The following MAPK6 variants were observed in gnomAD, a reference collection of about 807,000 sequenced individuals.
MAPK6 encodes the protein mitogen-activated protein kinase 6.
In MAPK6, 19 loss-of-function variants were observed where a neutral mutation model predicts 59.3. That is an observed-to-expected ratio of 0.32 (90% CI 0.22 to 0.47). The LOEUF (loss-of-function observed/expected upper bound fraction) is 0.47. Ranked by LOEUF, MAPK6 falls within the 20% of genes least tolerant of loss-of-function variation. MAPK6 has a pLI of 1.00. For synonymous variants in MAPK6, 316 were observed against 290.3 expected (o/e 1.09, Z -0.90); for missense variants, 724 against 847.9 (o/e 0.85, Z 1.81).
rs139563932 is a variant in MAPK6, at chr15:52,064,500, T to A, written c.1666T>A (p.Ser556Thr). Reference sequence around the variant, plus strand: ...TGATAAATTAAATGACTTGAATAGCTCAGTGTCCCAACTAGAATTGAAAAG... The same window carrying A: ...TGATAAATTAAATGACTTGAATAGCACAGTGTCCCAACTAGAATTGAAAAG... ...VVDKLNDLNS[S>T]VSQLELKSLI... Residue 556 changes from serine to threonine, a missense_variant, in exon 6 of 6, where the codon TCA becomes ACA. Transcript: ENST00000261845. 169 of 1,609,358 alleles carry A rather than the reference T, an allele frequency of 1.1e-4. No homozygotes were observed. The African/African-American group carries it at 2.2e-3, about 21-fold the overall frequency.
At chr15:52,017,850 G>A (rs1296413418), upstream of MAPK6, 2 of 152,238 alleles carry the variant, frequency 1.3e-5, no homozygotes, top group Admixed American at 1.3e-4. Context: ...GAGGCAGTGG[G>A]GCTGAAGGTA....
chr15:52,060,863 A>T (rs2032173242), intron 4 of MAPK6, among the ~76,000 whole-genome samples: 1 of 152,166 alleles, frequency 6.6e-6, no homozygotes, highest in African/African-American at 2.4e-5. Context: ...ATTACATCTC[A>T]TTTTTGTACC....
intron 3 of MAPK6, among the ~76,000 whole-genome samples, chr15:52,054,157 C>G (rs982441456): frequency 6.6e-6 from 1 of 151,628 alleles, no homozygotes; most frequent in Non-Finnish European, 1.5e-5. Flanking sequence ...CACCTGAGAT[C>G]AGGAGTTTGA....
chr15:52,061,626 C>G lies in MAPK6; in HGVS notation c.1067+126C>G, dbSNP rs954543100. On this transcript the variant is annotated intron_variant, in intron 5 of 5. Transcript: ENST00000261845. ...TTAAAAATTTAGTAATGTAAAGATA[C>G]AAAAATTAGTCAGGTGTGGTGGCAG... The G allele has an allele frequency of 1.5e-5, 11 of 757,206 alleles. No homozygotes were observed. In the African/African-American group the frequency reaches 1.8e-4, roughly 12 times the overall value. 46.9% of individuals were successfully genotyped at this position (757,206 alleles called of 1,614,324 possible).
chr15:52,016,668 T>G (rs1157787736), upstream of MAPK6, among the ~76,000 whole-genome samples: 1 of 152,066 alleles, frequency 6.6e-6, no homozygotes, highest in Non-Finnish European at 1.5e-5. Flanking sequence ...ACTCTCCCCC[T>G]CCTCTGCCCA....
chr15:52,034,210 C>A (rs2031152687), intron 1 of MAPK6, among the ~76,000 whole-genome samples: 1 of 152,196 alleles, frequency 6.6e-6, no homozygotes. Flanking sequence ...GTTTCAAACT[C>A]CTCACCTCAG....
At chr15:52,062,913 A>C (rs114743051) in intron 5 of MAPK6, among the ~76,000 whole-genome samples, 1 of 151,934 alleles carries the variant, frequency 6.6e-6, no homozygotes, top group South Asian at 2.1e-4. Context: ...ATGTATGGCC[A>C]AGTTTGGGAA....
intron 5 of MAPK6, among the ~76,000 whole-genome samples, chr15:52,062,891 C>CA (rs2032259021): frequency 6.6e-6 from 1 of 152,162 alleles, no homozygotes; most frequent in African/African-American, 2.4e-5. Context: ...ATAGAGTCAT[C>CA]AGGTGATTTT....
chr15:52,058,559 ATTAGT>A (rs1202118722), intron 3 of MAPK6, 69 bp from the exon 4 acceptor site: 31 of 1,254,126 alleles, frequency 2.5e-5, no homozygotes, highest in Admixed American at 1.7e-4. Context: ...TAATATTTAA[ATTAGT>A]TTAGTATGTT....
In MAPK6 at chr15:52,035,978, C is replaced by G. The variant is rs535177079; in HGVS notation, c.-631-9852C>G. 5.3e-5 allele frequency among the ~76,000 whole-genome samples: 8 copies of G among 152,028 alleles called. No homozygotes were observed. The East Asian group carries it at 1.4e-3, about 26-fold the overall frequency. On this transcript the variant is annotated intron_variant, in intron 1 of 5. Coordinates refer to ENST00000261845, the MANE Select transcript of MAPK6 (RefSeq NM_002748.4). ...GCTTGTTGCAGTTTATAGAGTGAGG[C>G]TTGGTATCTTGCAACTTTGAGCATT...
At chr15:52,035,417 G>C (rs941316474) in intron 1 of MAPK6, 1 of 152,326 alleles carries the variant, frequency 6.6e-6, no homozygotes, top group African/African-American at 2.4e-5. Context: ...GGTGGATCTC[G>C]TGAGGTCAGG....
At position 52,019,256 on chromosome 15, in the gene MAPK6, G is replaced by C. The variant is rs1480701269; in HGVS notation, c.-752G>C. The stretch of plus-strand genomic sequence containing the variant: ...CTCTCGCGGGTCGGGGTTACATGGC[G>C]GCGACTGCGGCAAAGCGAGAGCCTC... On this transcript the variant is annotated 5_prime_UTR_variant, in exon 1 of 6. Transcript: ENST00000261845. The C allele has an allele frequency of 6.6e-6, 1 of 152,134 alleles. No homozygotes were observed. The highest frequency in any genetic ancestry group is 2.4e-5 in the African/African-American group (1 of 41,440). 9.4% of individuals were successfully genotyped at this position (152,134 alleles called of 1,614,324 possible). A position where few individuals can be genotyped will look rare whatever the true frequency, so the allele number is the denominator to read the frequency against.
Position 52,065,796 on chromosome 15 carries a change from A to G in MAPK6, c.*796A>G, listed in dbSNP as rs2032399604. ...GTTTGTTGCCTACCTAGCTGCATCT[A>G]TAATGTCAGCTTATCCTAAGGCTGT... On this transcript the variant is annotated 3_prime_UTR_variant, in exon 6 of 6. Coordinates refer to ENST00000261845, the MANE Select transcript of MAPK6 (RefSeq NM_002748.4). 3 of 152,610 alleles carry G rather than the reference A, an allele frequency of 2.0e-5. No homozygotes were observed. The highest frequency in any genetic ancestry group is 6.5e-5 in the Admixed American group (1 of 15,270). 9.5% of individuals were successfully genotyped at this position (152,610 alleles called of 1,614,324 possible). A position where few individuals can be genotyped will look rare whatever the true frequency, so the allele number is the denominator to read the frequency against.
At chr15:52,037,725 T>C (rs2031289069) in intron 1 of MAPK6, among the ~76,000 whole-genome samples, 1 of 152,230 alleles carries the variant, frequency 6.6e-6, no homozygotes, top group Non-Finnish European at 1.5e-5. Context: ...CTGGGAATCT[T>C]CACTGATGTT....
At chr15:52,054,749 CAT>C (rs1555399922) in intron 3 of MAPK6, among the ~76,000 whole-genome samples, 3 of 149,936 alleles carry the variant, frequency 2.0e-5, no homozygotes, top group Non-Finnish European at 3.0e-5. Context: ...CACACACACA[CAT>C]ATACACATAC....
chr15:52,031,564 C>T (rs1465933513), intron 1 of MAPK6, among the ~76,000 whole-genome samples: 1 of 152,112 alleles, frequency 6.6e-6, no homozygotes, highest in East Asian at 1.9e-4. Context: ...GGCGTGGTGG[C>T]TCACACCTGT....
Position 52,064,046 on chromosome 15 carries a change from A to G in MAPK6, c.1212A>G (p.Gly404=). The change falls in exon 6 of 6, where the codon GGA becomes GGG. Residue 404 remains glycine (G), a synonymous_variant. Coordinates refer to ENST00000261845, the MANE Select transcript of MAPK6 (RefSeq NM_002748.4). ...VQVDPRKYLD[G]DREKYLEDPA... is the part of the protein sequence containing the mutation. The stretch of plus-strand genomic sequence containing the variant: ...TTGATCCCCGAAAATATTTGGATGG[A>G]GATCGGGAAAAGTATCTGGAGGATC... 1 of 1,613,788 alleles carries G rather than the reference A, an allele frequency of 6.2e-7. No homozygotes were observed. The highest frequency in any genetic ancestry group is 8.5e-7 in the Non-Finnish European group (1 of 1,179,776).
chr15:52,053,159 G>A (rs2031839902), intron 3 of MAPK6, among the ~76,000 whole-genome samples: 1 of 146,150 alleles, frequency 6.8e-6, no homozygotes, highest in African/African-American at 2.6e-5. Flanking sequence ...TGCAACCACT[G>A]CCACCCAGGT....
chr15:51,993,802 C>CTTT (rs1169370572), intron 2 of MAPK6, among the ~76,000 whole-genome samples: 30 of 140,488 alleles, frequency 2.1e-4, no homozygotes, highest in African/African-American at 7.8e-4. Context: ...TTTTTTCTTT[C>CTTT]TTTTTTTTTT....
Sources: allele counts gnomAD v4.1 joint callset (sites outside exome capture counted in the v4.1 genomes callset), GRCh38; gene constraint gnomAD v4.1.1; transcripts MANE v1.5; gene names NCBI Gene and HGNC (gene_info 2026-07-23, HGNC 2026-07-21).